The following ZNF561 variants were observed in gnomAD, a reference collection of about 807,000 sequenced individuals.
The protein encoded by ZNF561 is zinc finger protein 561.
A neutral mutation model predicts 16.7 loss-of-function variants in ZNF561; 16 were observed. The observed-to-expected ratio is 0.96, with a 90% CI of 0.65 to 1.45. The LOEUF is 1.45. Ranked by LOEUF, ZNF561 falls within the 40% of genes most tolerant of loss-of-function variation. ZNF561 has a pLI of 0.00. For missense variants in ZNF561, 580 were observed against 578.0 expected (o/e 1.00, Z -0.04); for synonymous variants, 190 against 192.1 (o/e 0.99, Z 0.09).
At chr19:9,617,255 C>A in intron 3 of ZNF561, 84 bp from the exon 4 acceptor site, 1 of 1,503,062 alleles carries the variant, frequency 6.7e-7, no homozygotes, top group Non-Finnish European at 8.9e-7. Flanking sequence ...GAACCTTATA[C>A]TCACTTACAC....
At position 9,618,099 on chromosome 19, in the gene ZNF561, C is replaced by T; in HGVS notation, c.106G>A (p.Gly36Ser). The T allele has an allele frequency of 1.3e-6, 2 of 1,550,914 alleles. No individual in the cohort carries two copies. The highest frequency in any genetic ancestry group is 1.7e-6 in the Non-Finnish European group (2 of 1,146,458). ...ERMVEDYLAS[G>S]YQDSVTFDDV... ...GTACGTTTTCTGCTTACCTGATAAC[C>T]ACTTGCCAGGTAGTCCTCCACCATC... The change falls in exon 3 of 6, where the codon GGT becomes AGT. Residue 36 changes from glycine to serine, a missense_variant. Gly to Ser is a moderately conservative substitution (Grantham distance 56). Transcript: ENST00000302851.
intron 4 of ZNF561, 146 bp downstream of exon 4, chr19:9,616,899 T>TG: frequency 4.7e-6 from 4 of 852,236 alleles, no homozygotes. Flanking sequence ...CGGCCTAGAA[T>TG]TTTTTTTTTA....
rs377082034 is a variant in ZNF561 at position 9,610,194 on chromosome 19, G to T, written c.*6C>A. 1.9e-5 allele frequency: 30 copies of T among 1,554,432 alleles called. No individual in the cohort carries two copies. Among genetic ancestry groups the T allele is most frequent in the Non-Finnish European group, 2.6e-5 (30 of 1,152,180 alleles). ...TTGCCAATAATTAAAGATGGCAACC[G>T]ATGGGCTAAATGGTAACACTCATAT... On this transcript the variant is annotated 3_prime_UTR_variant, in exon 6 of 6. Transcript: ENST00000302851.
rs1399524198 is a variant in ZNF561 at position 9,607,751 on chromosome 19, A to G, written c.*2449T>C. ...AAGTAAGAGTCATTATTTACAGATT[A>G]TGTGATTGTCTATGTGGAAACGGAA... On this transcript the variant is annotated 3_prime_UTR_variant, in exon 6 of 6. Coordinates refer to ENST00000302851, the MANE Select transcript of ZNF561 (RefSeq NM_152289.3). The G allele has an allele frequency of 6.6e-6, 1 of 152,208 alleles. No individual in the cohort carries two copies. The highest frequency in any genetic ancestry group is 1.5e-5 in the Non-Finnish European group (1 of 68,040). The allele number at this position is 152,208 out of a possible 1,614,324, so 9.4% of individuals were successfully genotyped here.
chr19:9,616,532 C>G (rs572291093), intron 4 of ZNF561, among the ~76,000 whole-genome samples: 1 of 151,980 alleles, frequency 6.6e-6, no homozygotes, highest in East Asian at 1.9e-4. Flanking sequence ...CTGCCCGCCT[C>G]GGCCTCCCAA....
At chr19:9,616,690 C>T (rs1045592310) in intron 4 of ZNF561, among the ~76,000 whole-genome samples, 1 of 151,954 alleles carries the variant, frequency 6.6e-6, no homozygotes, top group South Asian at 2.1e-4. Context: ...CTCCCGGGTT[C>T]ATGCAATTCT....
intron 4 of ZNF561, among the ~76,000 whole-genome samples, chr19:9,616,289 G>A (rs1173513747): frequency 6.6e-6 from 1 of 152,024 alleles, no homozygotes; most frequent in Non-Finnish European, 1.5e-5. Context: ...TATTTTTAAT[G>A]TATTTTTTTT....
rs959063740 is a variant in ZNF561 at position 9,608,219 on chromosome 19, T to C, written c.*1981A>G. On this transcript the variant is annotated 3_prime_UTR_variant, in exon 6 of 6. Transcript: ENST00000302851. ...TCGTGAAATGATGTCAAGAGATGGG[T>C]AGGGGGAGGGAGGGGGAGGGAGGGG... 4.6e-5 allele frequency: 5 copies of C among 108,642 alleles called. No individual in the cohort carries two copies. The highest frequency in any genetic ancestry group is 2.2e-4 in the Admixed American group (2 of 9,198). 6.7% of individuals were successfully genotyped at this position (108,642 alleles called of 1,614,324 possible).
In ZNF561 at chr19:9,610,260, A is replaced by G; in HGVS notation, c.1401T>C (p.His467=). Residue 467 remains histidine, a synonymous_variant, in exon 6 of 6, where the codon CAT becomes CAC. Transcript: ENST00000302851. ...AFAVSSRLSR[H]ERIHTGEKPY... ...GTTTCTCCCCAGTGTGAATTCTTTC[A>G]TGTCTACTTAGGCGTGAGGAAACAG... 5 of 1,613,418 alleles carry G rather than the reference A, an allele frequency of 3.1e-6. No individual in the cohort carries two copies. Among genetic ancestry groups the G allele is most frequent in the Non-Finnish European group, 4.2e-6 (5 of 1,179,622 alleles).
chr19:9,610,614 G>C lies in ZNF561; in HGVS notation c.1047C>G (p.Tyr349Ter). 6.2e-7 allele frequency: 1 copy of C among 1,613,878 alleles called. No homozygotes were observed. Among genetic ancestry groups the C allele is most frequent in the African/African-American group, 1.3e-5 (1 of 75,036 alleles). The change falls in exon 6 of 6, where the codon TAC (tyrosine) becomes TAG (stop). Residue 349 changes from tyrosine (Y) to a stop codon, truncating the protein, a stop_gained. Transcript: ENST00000302851. LOFTEE classifies it low-confidence loss of function (END_TRUNC). ...CKECGQAFAQ[Y>*]SGLSIHIRSH... ...TTCGTATGTGTATAGAAAGGCCCGA[G>C]TACTGAGCAAAGGCTTGGCCACATT...
rs202133562 is a variant in ZNF561, at chr19:9,611,057, A to G, written c.604T>C (p.Cys202Arg). ...NARQPYKCKECGKGFKYFASL... is the reference protein window; with the variant it reads ...NARQPYKCKERGKGFKYFASL... ...GCAAAATACTTAAAGCCTTTTCCAC[A>G]TTCCTTACATTTGTAGGGTTGTCTT... The change falls in exon 6 of 6, where the codon TGT becomes CGT. Residue 202 changes from cysteine (C) to arginine (R), a missense_variant. Coordinates refer to ENST00000302851, the MANE Select transcript of ZNF561 (RefSeq NM_152289.3). 13 of 1,614,022 alleles carry G rather than the reference A, an allele frequency of 8.1e-6. No individual in the cohort carries two copies. The highest frequency in any genetic ancestry group is 1.0e-5 in the Non-Finnish European group (12 of 1,180,032).
At chr19:9,620,679 A>C (rs1380551235) in intron 1 of ZNF561, among the ~76,000 whole-genome samples, 1 of 152,216 alleles carries the variant, frequency 6.6e-6, no homozygotes, top group Admixed American at 6.5e-5. Context: ...ACAATTCAGT[A>C]GTCACCAGCC....
intron 5 of ZNF561, 114 bp from the exon 6 acceptor site, chr19:9,611,450 ATTTT>A (rs921842904): frequency 1.7e-6 from 2 of 1,149,598 alleles, no homozygotes; most frequent in Non-Finnish European, 2.3e-6. Flanking sequence ...TTAATATTTA[ATTTT>A]TTTTTCTTTT....
rs1395465057 is a variant in ZNF561, at chr19:9,609,685, T to C, written c.*515A>G. 1 of 154,048 alleles carries C rather than the reference T, an allele frequency of 6.5e-6. No homozygotes were observed. The highest frequency in any genetic ancestry group is 1.9e-4 in the East Asian group (1 of 5,216). The allele number at this position is 154,048 out of a possible 1,614,324, so 9.5% of individuals were successfully genotyped here. A position where few individuals can be genotyped will look rare whatever the true frequency, so the allele number is the denominator to read the frequency against. Reference sequence around the variant, plus strand: ...GAACAGGCAAGGCTGTCACACTTCTTAGATTTTACAAGGGGACACAGAAAT... The same window carrying C: ...GAACAGGCAAGGCTGTCACACTTCTCAGATTTTACAAGGGGACACAGAAAT... On this transcript the variant is annotated 3_prime_UTR_variant, in exon 6 of 6. Transcript: ENST00000302851.
At position 9,610,105 on chromosome 19, in the gene ZNF561, C is replaced by T. The variant is rs1359705760; in HGVS notation, c.*95G>A. On this transcript the variant is annotated 3_prime_UTR_variant, in exon 6 of 6. Transcript: ENST00000302851. The stretch of plus-strand genomic sequence containing the variant: ...AGACCCTCAGGATGGTATCTAAGGC[C>T]AATCCATGAGTCATTACAACCTCCA... 8.8e-7 allele frequency: 1 copy of T among 1,137,290 alleles called. No individual in the cohort carries two copies. The allele number at this position is 1,137,290 out of a possible 1,614,324, so 70.4% of individuals were successfully genotyped here. A position where few individuals can be genotyped will look rare whatever the true frequency, so the allele number is the denominator to read the frequency against.
At chr19:9,611,457 T>C in intron 5 of ZNF561, 121 bp from the exon 6 acceptor site, 1 of 1,128,852 alleles carries the variant, frequency 8.9e-7, no homozygotes, top group South Asian at 2.2e-5. Flanking sequence ...TTAATTTTTT[T>C]TTCTTTTTGA....
intron 3 of ZNF561, 71 bp from the exon 4 acceptor site, chr19:9,617,242 G>A: frequency 1.3e-6 from 2 of 1,550,624 alleles, no homozygotes; most frequent in Non-Finnish European, 1.7e-6. Flanking sequence ...GAATGATGAA[G>A]GGGAACCTTA....
intron 3 of ZNF561, chr19:9,617,736 ACTC>A (rs1400564166): frequency 8.7e-6 from 4 of 458,302 alleles, no homozygotes; most frequent in Non-Finnish European, 1.8e-5. Flanking sequence ...TATGCAGCAC[ACTC>A]CTCAGCACAC....
At chr19:9,613,912 G>T (rs868804458) in intron 5 of ZNF561, 109 bp downstream of exon 5, 1 of 1,349,490 alleles carries the variant, frequency 7.4e-7, no homozygotes, top group Non-Finnish European at 1.0e-6. Flanking sequence ...CTCCCAAATA[G>T]CTGGGATTAC....
Sources: gnomAD v4.1 joint callset for allele counts (sites outside exome capture counted in the v4.1 genomes callset) on GRCh38, gnomAD v4.1.1 for gene constraint, MANE v1.5 for transcripts, NCBI Gene and HGNC (gene_info 2026-07-23, HGNC 2026-07-21) for gene names.